THSD7B: variants seen among roughly 807,000 people sequenced by gnomAD.
The protein encoded by THSD7B is thrombospondin type-1 domain-containing protein 7B.
Under a neutral mutation model 213.6 loss-of-function variants are expected in THSD7B, and 138 were observed. That is an observed-to-expected ratio of 0.65 (90% CI 0.56 to 0.74). The LOEUF (loss-of-function observed/expected upper bound fraction) is 0.74. Ranked by LOEUF, THSD7B falls within the 30% of genes least tolerant of loss-of-function variation. The probability of loss-of-function intolerance (pLI) is 0.00; values close to 1 mark genes in which losing one functional copy is unlikely to be tolerated. For missense variants in THSD7B, 1,931 were observed against 1,991.5 expected (o/e 0.97, Z 0.58); for synonymous variants, 742 against 687.0 (o/e 1.08, Z -1.25).
chr2:137,555,887 G>A (rs1051677258), intron 15 of THSD7B, among the ~76,000 whole-genome samples: 2 of 152,162 alleles, frequency 1.3e-5, no homozygotes, highest in African/African-American at 2.4e-5. Context: ...TGAGAACTAC[G>A]TGACGAATGC....
At chr2:136,770,270 G>T (rs373546839) in intron 1 of THSD7B, among the ~76,000 whole-genome samples, 2 of 152,122 alleles carry the variant, frequency 1.3e-5, no homozygotes, top group Admixed American at 6.6e-5. Flanking sequence ...ATACATGAAA[G>T]ATTTTAATTA....
chr2:136,870,492 A>T (rs184621719), intron 1 of THSD7B, among the ~76,000 whole-genome samples: 8 of 152,366 alleles, frequency 5.3e-5, no homozygotes, highest in Non-Finnish European at 1.2e-4. Context: ...ATAAACCAAT[A>T]TGCCAATTTT....
At chr2:136,773,001 C>G (rs1295673361) in intron 1 of THSD7B, among the ~76,000 whole-genome samples, 1 of 152,058 alleles carries the variant, frequency 6.6e-6, no homozygotes, top group Non-Finnish European at 1.5e-5. Context: ...TAGGAAGAAG[C>G]TCAGAAAAGT....
At chr2:137,404,656 G>A (rs1340609503) in intron 12 of THSD7B, among the ~76,000 whole-genome samples, 1 of 150,406 alleles carries the variant, frequency 6.6e-6, no homozygotes, top group East Asian at 1.9e-4. Context: ...TAATATATAT[G>A]ATGGAATATT....
At chr2:137,314,610 GCT>G (rs1243465953) in intron 12 of THSD7B, among the ~76,000 whole-genome samples, 2 of 152,190 alleles carry the variant, frequency 1.3e-5, no homozygotes, top group Non-Finnish European at 2.9e-5. Flanking sequence ...CAGTTTTTCT[GCT>G]CTGTTTTTTC....
intron 12 of THSD7B, among the ~76,000 whole-genome samples, chr2:137,303,012 T>C (rs1421128476): frequency 2.0e-5 from 3 of 152,118 alleles, no homozygotes; most frequent in African/African-American, 7.2e-5. Context: ...TATTTTATTA[T>C]TTTTGAAACG....
intron 12 of THSD7B, among the ~76,000 whole-genome samples, chr2:137,284,209 G>A (rs1683111135): frequency 6.6e-6 from 1 of 152,146 alleles, no homozygotes; most frequent in South Asian, 2.1e-4. Flanking sequence ...AGTATTCTCT[G>A]ATGGTAGTTT....
At chr2:137,549,879 A>G (rs986013069) in intron 15 of THSD7B, among the ~76,000 whole-genome samples, 2 of 150,724 alleles carry the variant, frequency 1.3e-5, no homozygotes, top group Admixed American at 6.6e-5. Flanking sequence ...AGCTCTTCCA[A>G]TATTTTTCTG....
intron 7 of THSD7B, among the ~76,000 whole-genome samples, chr2:137,219,443 A>G (rs988141631): frequency 4.1e-5 from 6 of 145,936 alleles, no homozygotes; most frequent in African/African-American, 1.5e-4. Flanking sequence ...CATGGTTGCT[A>G]TAATAGCAGG....
At chr2:137,506,166 C>T (rs1679828987) in intron 15 of THSD7B, among the ~76,000 whole-genome samples, 1 of 152,126 alleles carries the variant, frequency 6.6e-6, no homozygotes, top group Non-Finnish European at 1.5e-5. Context: ...CAAAGCAAAG[C>T]ATACCCTTCA....
chr2:137,123,202 C>T (rs1452183651), intron 5 of THSD7B, among the ~76,000 whole-genome samples: 5 of 152,030 alleles, frequency 3.3e-5, no homozygotes, highest in Admixed American at 6.6e-5. Flanking sequence ...AACACCATGT[C>T]GTGGTGTCTG....
chr2:137,272,755 A>G lies in THSD7B; in HGVS notation c.2396+93A>G. On this transcript the variant is annotated intron_variant, in intron 11 of 27. Transcript: ENST00000409968. ...ACATATGGTCGTTTGGTGAAAAATAAGTAAGAGGGGATCTGACATTTACAT... is the reference window on the plus strand; with the variant it reads ...ACATATGGTCGTTTGGTGAAAAATAGGTAAGAGGGGATCTGACATTTACAT... 11 of 1,321,274 alleles carry G rather than the reference A, an allele frequency of 8.3e-6. No individual in the cohort carries two copies. The South Asian group carries it at 1.5e-4, about 18-fold the overall frequency. The allele number at this position is 1,321,274 out of a possible 1,614,324, so 81.8% of individuals were successfully genotyped here. A position where few individuals can be genotyped will look rare whatever the true frequency, so the allele number is the denominator to read the frequency against.
chr2:137,448,463 G>A (rs1056924096), intron 14 of THSD7B, among the ~76,000 whole-genome samples: 1 of 152,070 alleles, frequency 6.6e-6, no homozygotes, highest in Non-Finnish European at 1.5e-5. Context: ...GAGGGTGGGG[G>A]GAACAATAAG....
chr2:137,492,981 C>G (rs1335402545), intron 15 of THSD7B, among the ~76,000 whole-genome samples: 1 of 151,138 alleles, frequency 6.6e-6, no homozygotes, highest in Non-Finnish European at 1.5e-5. Context: ...ATTAGCCGGG[C>G]GTGGTGGTGG....
intron 6 of THSD7B, among the ~76,000 whole-genome samples, chr2:137,162,090 A>G (rs1027259581): frequency 1.6e-4 from 25 of 152,306 alleles, no homozygotes; most frequent in Admixed American, 6.5e-5. Context: ...CAGAAACCCA[A>G]TTGATAACCA....
At position 136,891,381 on chromosome 2, in the gene THSD7B, C is replaced by G. The variant is rs576553791; in HGVS notation, c.139+9064C>G. On this transcript the variant is annotated intron_variant, in intron 2 of 27. Coordinates refer to ENST00000409968, the MANE Select transcript of THSD7B (RefSeq NM_001316349.2). Reference sequence around the variant, plus strand: ...TGACTCAGCTGTTGGGCTTCACTGTCAAAATATTTTTGTGTGGAGAGCTGG... The same window carrying G: ...TGACTCAGCTGTTGGGCTTCACTGTGAAAATATTTTTGTGTGGAGAGCTGG... 3.3e-5 allele frequency among the ~76,000 whole-genome samples: 5 copies of G among 152,282 alleles called. No individual in the cohort carries two copies. The South Asian group carries it at 1.0e-3, about 32-fold the overall frequency.
chr2:137,176,567 T>C (rs935699454), intron 7 of THSD7B, among the ~76,000 whole-genome samples: 1 of 152,190 alleles, frequency 6.6e-6, no homozygotes, highest in Non-Finnish European at 1.5e-5. Context: ...TCAGAAGTAA[T>C]GGGTTGTAGC....
chr2:137,181,461 A>C (rs1451966562), intron 7 of THSD7B, among the ~76,000 whole-genome samples: 1 of 152,194 alleles, frequency 6.6e-6, no homozygotes, highest in Admixed American at 6.6e-5. Context: ...TTGTTCCAGA[A>C]GGCAAATAGG....
chr2:137,666,899 A>G (rs145326209), intron 26 of THSD7B, among the ~76,000 whole-genome samples: 168 of 152,232 alleles, frequency 1.1e-3, no homozygotes, highest in African/African-American at 3.8e-3. Flanking sequence ...TGTTAACTGT[A>G]GTAGATATCA....
Sources: gnomAD v4.1 joint callset for allele counts (sites outside exome capture counted in the v4.1 genomes callset) on GRCh38, gnomAD v4.1.1 for gene constraint, MANE v1.5 for transcripts, NCBI Gene and HGNC (gene_info 2026-07-23, HGNC 2026-07-21) for gene names.